CA10: variants seen among roughly 807,000 people sequenced by gnomAD.
The protein encoded by CA10 is carbonic anhydrase 10 (inactive), also known as carbonic anhydrase-related protein 10.
Under a neutral mutation model 44.2 loss-of-function variants are expected in CA10, and 14 were observed. That is an observed-to-expected ratio of 0.32 (90% CI 0.21 to 0.50). The LOEUF is 0.50. Among genes scored for constraint, CA10 ranks in the 20% least tolerant of loss-of-function variants. The pLI, the probability that CA10 is intolerant of heterozygous loss-of-function variation, is 0.99. For missense variants in CA10, 350 were observed against 409.7 expected (o/e 0.85, Z 1.26); for synonymous variants, 159 against 141.6 (o/e 1.12, Z -0.87).
intron 3 of CA10, among the ~76,000 whole-genome samples, chr17:51,748,955 C>T (rs1904800192): frequency 6.6e-6 from 1 of 152,188 alleles, no homozygotes; most frequent in Non-Finnish European, 1.5e-5. Context: ...TTGTTTCCTG[C>T]CACCTTACTG....
chr17:51,870,872 G>A (rs1979771080), intron 3 of CA10, among the ~76,000 whole-genome samples: 1 of 151,998 alleles, frequency 6.6e-6, no homozygotes, highest in South Asian at 2.1e-4. Context: ...CCATGACTCA[G>A]GCAGCTAGCT....
chr17:52,100,292 A>G (rs1399319294), intron 1 of CA10, among the ~76,000 whole-genome samples: 1 of 152,228 alleles, frequency 6.6e-6, no homozygotes, highest in Non-Finnish European at 1.5e-5. Flanking sequence ...CAGAGATATC[A>G]TCTTCATAGA....
At chr17:51,745,732 TA>T (rs1338866900) in intron 4 of CA10, among the ~76,000 whole-genome samples, 1 of 152,236 alleles carries the variant, frequency 6.6e-6, no homozygotes, top group Admixed American at 6.5e-5. Flanking sequence ...TTTAGCCTAG[TA>T]AACATCTACA....
chr17:51,756,677 C>T (rs560890780), intron 3 of CA10, among the ~76,000 whole-genome samples: 3 of 151,830 alleles, frequency 2.0e-5, no homozygotes, highest in South Asian at 2.1e-4. Context: ...GGGGTTTCAC[C>T]GTGTTAGCCA....
chr17:51,834,479 T>C (rs1051273933), intron 3 of CA10, among the ~76,000 whole-genome samples: 2 of 152,198 alleles, frequency 1.3e-5, no homozygotes, highest in Non-Finnish European at 2.9e-5. Flanking sequence ...AAGTCGCTTG[T>C]TGTCCAAATG....
At chr17:51,843,079 A>C (rs1456048411) in intron 3 of CA10, among the ~76,000 whole-genome samples, 3 of 152,230 alleles carry the variant, frequency 2.0e-5, no homozygotes, top group African/African-American at 4.8e-5. Flanking sequence ...TTCACCCAGA[A>C]ACAAGCTAAA....
At chr17:51,832,195 G>T (rs145097550) in intron 3 of CA10, among the ~76,000 whole-genome samples, 1 of 152,306 alleles carries the variant, frequency 6.6e-6, no homozygotes, top group Non-Finnish European at 1.5e-5. Context: ...GATAGCAATA[G>T]CCCTGCCTCA....
chr17:52,097,567 T>G (rs148254539), intron 1 of CA10, among the ~76,000 whole-genome samples: 103 of 152,322 alleles, frequency 6.8e-4, no homozygotes, highest in African/African-American at 2.1e-3. Flanking sequence ...TTTTGCACTC[T>G]GGGTTGACAC....
intron 3 of CA10, among the ~76,000 whole-genome samples, chr17:51,771,947 C>T (rs1474875929): frequency 1.3e-5 from 2 of 152,270 alleles, no homozygotes; most frequent in East Asian, 3.9e-4. Flanking sequence ...AGGACAAAGC[C>T]TCTCACAGAG....
intron 4 of CA10, among the ~76,000 whole-genome samples, chr17:51,654,907 C>G (rs951661301): frequency 2.0e-5 from 3 of 146,984 alleles, no homozygotes; most frequent in Non-Finnish European, 4.4e-5. Flanking sequence ...AACGTGATGC[C>G]CCCCCCACCA....
intron 3 of CA10, chr17:51,762,385 C>T (rs1905239490): frequency 6.6e-6 from 1 of 152,048 alleles, no homozygotes; most frequent in African/African-American, 2.4e-5. Flanking sequence ...AGGCATTTCC[C>T]AGAGGAGTGG....
At chr17:52,071,909 A>T (rs1188476861) in intron 2 of CA10, among the ~76,000 whole-genome samples, 1 of 152,174 alleles carries the variant, frequency 6.6e-6, no homozygotes, top group Non-Finnish European at 1.5e-5. Context: ...TTTAGCTGAT[A>T]CTTGGCGCGA....
intron 2 of CA10, among the ~76,000 whole-genome samples, chr17:52,040,725 G>C (rs990501713): frequency 6.6e-6 from 1 of 151,920 alleles, no homozygotes; most frequent in Non-Finnish European, 1.5e-5. Flanking sequence ...TGAGTGGAGG[G>C]GACAGAGTTC....
intron 3 of CA10, among the ~76,000 whole-genome samples, chr17:51,900,958 C>A (rs1215139273): frequency 6.6e-6 from 1 of 152,148 alleles, no homozygotes; most frequent in Non-Finnish European, 1.5e-5. Context: ...TCAACTTTCT[C>A]CTGTATCTCA....
intron 3 of CA10, among the ~76,000 whole-genome samples, chr17:51,838,585 T>C (rs1978295554): frequency 1.3e-5 from 2 of 152,258 alleles, no homozygotes; most frequent in African/African-American, 4.8e-5. Flanking sequence ...GCCTTGTTTC[T>C]TGGTTTCTTT....
chr17:52,023,200 C>G (rs760460936), intron 2 of CA10, among the ~76,000 whole-genome samples: 2 of 152,162 alleles, frequency 1.3e-5, no homozygotes, highest in South Asian at 2.1e-4. Flanking sequence ...TACCCAACTT[C>G]AAACTATATA....
intron 3 of CA10, among the ~76,000 whole-genome samples, chr17:51,906,364 GA>G (rs1455580810): frequency 6.6e-6 from 1 of 151,934 alleles, no homozygotes; most frequent in Non-Finnish European, 1.5e-5. Flanking sequence ...CTCTCTCCAG[GA>G]AAAAACTTTG....
At chr17:51,871,215 T>C (rs998429290) in intron 3 of CA10, among the ~76,000 whole-genome samples, 4 of 150,662 alleles carry the variant, frequency 2.7e-5, no homozygotes, top group African/African-American at 7.3e-5. Context: ...TGCCCAACCA[T>C]GCCTGGCTTG....
chr17:51,674,325 C>T (rs961611043), intron 4 of CA10, among the ~76,000 whole-genome samples: 2 of 152,190 alleles, frequency 1.3e-5, no homozygotes, highest in Non-Finnish European at 2.9e-5. Flanking sequence ...GAAAAATAGT[C>T]TTCTTACTTA....
Sources: allele counts gnomAD v4.1 joint callset (sites outside exome capture counted in the v4.1 genomes callset), GRCh38; gene constraint gnomAD v4.1.1; transcripts MANE v1.5; gene names NCBI Gene and HGNC (gene_info 2026-07-23, HGNC 2026-07-21).